Variants in KDM4A observed in about 807,000 individuals in gnomAD.
KDM4A encodes lysine-specific demethylase 4A.
Under a neutral mutation model 127.1 loss-of-function variants are expected in KDM4A, and 23 were observed. That is an observed-to-expected ratio of 0.18 (90% CI 0.13 to 0.26). The LOEUF (loss-of-function observed/expected upper bound fraction) is 0.26. Among genes scored for constraint, KDM4A ranks in the 10% least tolerant of loss-of-function variants. KDM4A has a pLI of 1.00. For missense variants in KDM4A, 890 were observed against 1,329.1 expected (o/e 0.67, Z 5.14); for synonymous variants, 443 against 466.5 (o/e 0.95, Z 0.65).
intron 20 of KDM4A, 109 bp downstream of exon 20, chr1:43,703,845 ACCCTTTCAGAGCTAGGGGTCTGC>A: frequency 6.8e-7 from 1 of 1,465,148 alleles, no homozygotes; most frequent in Admixed American, 1.9e-5. Context: ...TAGGTTGGTA[ACCCTTTCAGAGCTAGGGGTCTGC>A]CCTGTTTCCA....
At position 43,670,563 on chromosome 1, in the gene KDM4A, T is replaced by C. The variant is rs962697643; in HGVS notation, c.1364-942T>C. Among the ~76,000 whole-genome samples the C allele has an allele frequency of 4.6e-3, 650 of 141,558 alleles. 4 individuals carry two copies. The highest frequency in any genetic ancestry group is 6.9e-3 in the Non-Finnish European group (450 of 64,974). The allele number at this position is 141,558 out of a possible 152,430, so 92.9% of individuals were successfully genotyped here. The stretch of plus-strand genomic sequence containing the variant: ...ATACACCACGCCTGGCTAATTTTTT[T>C]TTTTTTTTTTTTTTTTTTGAGACGG... On this transcript the variant is annotated intron_variant, in intron 10 of 21. Transcript: ENST00000372396.
At chr1:43,687,953 A>C (rs540243699) in intron 12 of KDM4A, among the ~76,000 whole-genome samples, 3 of 151,736 alleles carry the variant, frequency 2.0e-5, no homozygotes, top group African/African-American at 7.3e-5. Context: ...GACCAGGGAT[A>C]TATAAAGGGC....
At chr1:43,703,225 A>G (rs777603458) in intron 19 of KDM4A, among the ~76,000 whole-genome samples, 1 of 151,828 alleles carries the variant, frequency 6.6e-6, no homozygotes, top group Non-Finnish European at 1.5e-5. Flanking sequence ...TACAGGCATG[A>G]GCCACCGTGC....
Position 43,689,111 on chromosome 1 carries a change from G to A in KDM4A, c.2037+16G>A, listed in dbSNP as rs754178438. On this transcript the variant is annotated intron_variant, in intron 13 of 21. Coordinates refer to ENST00000372396, the MANE Select transcript of KDM4A (RefSeq NM_014663.3). Reference sequence around the variant, plus strand: ...TTATCATCAGGTAACCCAGCTCCATGCACTCTGTTTACCCAGGACCAGCAA... The same window carrying A: ...TTATCATCAGGTAACCCAGCTCCATACACTCTGTTTACCCAGGACCAGCAA... 9.9e-6 allele frequency: 16 copies of A among 1,612,418 alleles called. No homozygotes were observed. In the East Asian group the frequency reaches 2.9e-4, roughly 29 times the overall value.
chr1:43,681,359 A>G (rs1381935638), intron 11 of KDM4A, among the ~76,000 whole-genome samples: 2 of 152,114 alleles, frequency 1.3e-5, no homozygotes, highest in Non-Finnish European at 2.9e-5. Flanking sequence ...TCATCATCCA[A>G]GACAATCTCA....
At chr1:43,673,754 C>T (rs1008933331) in intron 11 of KDM4A, among the ~76,000 whole-genome samples, 9 of 152,270 alleles carry the variant, frequency 5.9e-5, no homozygotes, top group South Asian at 2.1e-4. Context: ...CTCTTTAACT[C>T]CCAGTTGCCA....
chr1:43,694,194 G>A lies in KDM4A; in HGVS notation c.2484+92G>A, dbSNP rs922337512. On this transcript the variant is annotated intron_variant, in intron 17 of 21. Transcript: ENST00000372396. The surrounding 1 kb of genome is among the most constrained non-coding windows in gnomAD (Gnocchi z 5.2). The stretch of plus-strand genomic sequence containing the variant: ...CTCCTGTACCCCTTGGTTTTGGTTA[G>A]AGTTTGTGATTCTCACTCTGTGGTT... 1 of 994,116 alleles carries A rather than the reference G, an allele frequency of 1.0e-6. No homozygotes were observed. The highest frequency in any genetic ancestry group is 2.6e-5 in the East Asian group (1 of 38,406). The allele number at this position is 994,116 out of a possible 1,614,324, so 61.6% of individuals were successfully genotyped here.
In KDM4A at chr1:43,697,986, C is replaced by T. The variant is rs761883010; in HGVS notation, c.2814C>T (p.Ser938=). The part of the protein sequence containing the change: ...YEVNFDDGSF[S]DNLYPEDIVS... The stretch of plus-strand genomic sequence containing the variant: ...TCAACTTTGATGATGGCTCCTTCAG[C>T]GACAATCTTTATCCTGAGGACATAG... Residue 938 remains serine (S), a synonymous_variant, in exon 19 of 22, where the codon AGC becomes AGT. Coordinates refer to ENST00000372396, the MANE Select transcript of KDM4A (RefSeq NM_014663.3). 15 of 1,613,496 alleles carry T rather than the reference C, an allele frequency of 9.3e-6. No homozygotes were observed. Among genetic ancestry groups the T allele is most frequent in the East Asian group, 2.2e-5 (1 of 44,852 alleles).
At chr1:43,659,801 G>GCGT (rs1262902507) in intron 3 of KDM4A, among the ~76,000 whole-genome samples, 1 of 152,232 alleles carries the variant, frequency 6.6e-6, no homozygotes, top group Non-Finnish European at 1.5e-5. Context: ...GTCAGCCACT[G>GCGT]CGTAGGGCGC....
intron 12 of KDM4A, among the ~76,000 whole-genome samples, chr1:43,685,687 G>A (rs2154048196): frequency 6.6e-6 from 1 of 152,298 alleles, no homozygotes; most frequent in East Asian, 1.9e-4. Context: ...AGAATGGCAT[G>A]AACCCAGGAG....
In KDM4A at chr1:43,658,545, G is replaced by A. The variant is rs76179556; in HGVS notation, c.315-1753G>A. On this transcript the variant is annotated intron_variant, in intron 3 of 21. Coordinates refer to ENST00000372396, the MANE Select transcript of KDM4A (RefSeq NM_014663.3). ...TTGAGATGGAGTCTTACTCTGTGGC[G>A]CGGGCTAGAGTGCAGTGGTGCTATT... Among the ~76,000 whole-genome samples, 1,162 of 145,204 alleles carry A rather than the reference G, an allele frequency of 8.0e-3. 15 individuals are homozygous for A. The highest frequency in any genetic ancestry group is 0.028 in the African/African-American group (1,099 of 38,640).
At chr1:43,683,155 C>T (rs1458443256) in intron 11 of KDM4A, among the ~76,000 whole-genome samples, 2 of 152,202 alleles carry the variant, frequency 1.3e-5, no homozygotes, top group Non-Finnish European at 2.9e-5. Flanking sequence ...TCTGCTAGCG[C>T]GAAGTCTTGG....
chr1:43,668,388 G>A (rs1660547186), intron 9 of KDM4A, among the ~76,000 whole-genome samples: 1 of 152,318 alleles, frequency 6.6e-6, no homozygotes, highest in African/African-American at 2.4e-5. Flanking sequence ...GCCTCCCAAA[G>A]TGCTGGGATT....
chr1:43,654,774 ACTCT>A (rs554343965), intron 2 of KDM4A, among the ~76,000 whole-genome samples: 1,696 of 146,778 alleles, frequency 0.012, 14 homozygotes, highest in Non-Finnish European at 0.018. Flanking sequence ...GTAAAACAAT[ACTCT>A]CTAATTAAAA....
intron 8 of KDM4A, 130 bp downstream of exon 8, chr1:43,667,221 C>A: frequency 2.0e-6 from 2 of 976,752 alleles, no homozygotes; most frequent in South Asian, 1.6e-5. Flanking sequence ...AGCAATGTGT[C>A]AGAGTACTAA....
chr1:43,704,296 C>T lies in KDM4A; in HGVS notation c.3121C>T (p.Arg1041Trp). 1.9e-6 allele frequency: 3 copies of T among 1,613,996 alleles called. No homozygotes were observed. The highest frequency in any genetic ancestry group is 1.7e-5 in the Admixed American group (1 of 60,004). The change falls in exon 22 of 22, where the codon CGG (arginine) becomes TGG (tryptophan). Residue 1041 changes from arginine (R) to tryptophan (W), a missense_variant. Transcript: ENST00000372396. The stretch of plus-strand genomic sequence containing the variant: ...GAAAGAGGTTAAGCAAGAAAAGAAA[C>T]GGCAACGAGTTATCAACTCAAGATA... ...TEKEVKQEKK[R>W]QRVINSRYRE...
At chr1:43,687,354 G>C (rs182388027) in intron 12 of KDM4A, among the ~76,000 whole-genome samples, 21 of 152,282 alleles carry the variant, frequency 1.4e-4, no homozygotes, top group Admixed American at 1.2e-3. Context: ...AGCTTTCCTT[G>C]GCTGCTTGGA....
chr1:43,659,935 C>T (rs1022677971), intron 3 of KDM4A, among the ~76,000 whole-genome samples: 1 of 152,114 alleles, frequency 6.6e-6, no homozygotes, highest in Non-Finnish European at 1.5e-5. Context: ...TTTTGGTTGT[C>T]TGTGGATATG....
In KDM4A at chr1:43,693,341, C is replaced by T. The variant is rs1235808740; in HGVS notation, c.2376-653C>T. Among the ~76,000 whole-genome samples, 1 of 152,326 alleles carries T rather than the reference C, an allele frequency of 6.6e-6. No individual in the cohort carries two copies. Among genetic ancestry groups the T allele is most frequent in the Non-Finnish European group, 1.5e-5 (1 of 68,030 alleles). The stretch of plus-strand genomic sequence containing the variant: ...CAGTGTTGTCTGGTGTAGGTTTTCA[C>T]GTAGCATGGTTTTAAGAGTTGTCAC... On this transcript the variant is annotated intron_variant, in intron 16 of 21. Coordinates refer to ENST00000372396, the MANE Select transcript of KDM4A (RefSeq NM_014663.3). The surrounding 1 kb of genome is among the most constrained non-coding windows in gnomAD (Gnocchi z 4.2).
Sources: allele counts gnomAD v4.1 joint callset (sites outside exome capture counted in the v4.1 genomes callset), GRCh38; gene constraint gnomAD v4.1.1; non-coding constraint Gnocchi (gnomAD v3.1); transcripts MANE v1.5; gene names NCBI Gene and HGNC (gene_info 2026-07-23, HGNC 2026-07-21).